The following GPC6 variants were observed in gnomAD, a reference collection of about 807,000 sequenced individuals.
GPC6 encodes the protein glypican 6, also known as glypican-6.
Under a neutral mutation model 55.2 loss-of-function variants are expected in GPC6, and 14 were observed. The observed-to-expected ratio is 0.25, with a 90% CI of 0.17 to 0.40. GPC6 has a LOEUF of 0.40. Among genes scored for constraint, GPC6 ranks in the 10% least tolerant of loss-of-function variants. The pLI, the probability that GPC6 is intolerant of heterozygous loss-of-function variation, is 1.00. For synonymous variants in GPC6, 278 were observed against 259.6 expected (o/e 1.07, Z -0.68); for missense variants, 641 against 708.5 (o/e 0.90, Z 1.08).
chr13:94,175,969 G>T (rs1216132976), intron 4 of GPC6, among the ~76,000 whole-genome samples: 135 of 142,462 alleles, frequency 9.5e-4, no homozygotes, highest in Non-Finnish European at 1.6e-3. Context: ...GAGAGAGAGA[G>T]AGAGAGAGAG....
intron 2 of GPC6, among the ~76,000 whole-genome samples, chr13:93,730,627 T>G (rs2138835763): frequency 6.6e-6 from 1 of 152,344 alleles, no homozygotes; most frequent in South Asian, 2.1e-4. Context: ...CTGGTTGATA[T>G]GTGCTTCAGA....
At chr13:94,222,857 A>T (rs1172082083) in intron 4 of GPC6, among the ~76,000 whole-genome samples, 1 of 152,044 alleles carries the variant, frequency 6.6e-6, no homozygotes, top group African/African-American at 2.4e-5. Flanking sequence ...CTGCATTCTG[A>T]CCTGGCATCA....
chr13:93,572,398 G>T (rs891117754), intron 2 of GPC6, among the ~76,000 whole-genome samples: 8 of 152,064 alleles, frequency 5.3e-5, no homozygotes, highest in African/African-American at 1.7e-4. Flanking sequence ...TATACCAGTG[G>T]TCCTTAAACT....
At chr13:93,365,731 G>A (rs1474077548) in intron 1 of GPC6, among the ~76,000 whole-genome samples, 2 of 151,958 alleles carry the variant, frequency 1.3e-5, no homozygotes, top group Non-Finnish European at 2.9e-5. Context: ...ATCTCTGAAG[G>A]ACCAGATGAC....
chr13:93,837,245 C>A (rs1887771706), intron 3 of GPC6, among the ~76,000 whole-genome samples: 1 of 152,092 alleles, frequency 6.6e-6, no homozygotes, highest in Non-Finnish European at 1.5e-5. Context: ...TATAGGAAGT[C>A]AGTTAAAACA....
At chr13:94,005,786 T>G (rs984165436) in intron 3 of GPC6, among the ~76,000 whole-genome samples, 2 of 152,218 alleles carry the variant, frequency 1.3e-5, no homozygotes. Context: ...GCTTATCTCC[T>G]TCTGCCTCTT....
chr13:94,010,902 A>T (rs1334564412), intron 3 of GPC6, among the ~76,000 whole-genome samples: 1 of 152,168 alleles, frequency 6.6e-6, no homozygotes, highest in African/African-American at 2.4e-5. Context: ...AAATGGGATC[A>T]TGGATGATAT....
At chr13:93,523,243 A>G (rs929505150) in intron 1 of GPC6, among the ~76,000 whole-genome samples, 2 of 149,656 alleles carry the variant, frequency 1.3e-5, no homozygotes, top group Non-Finnish European at 3.0e-5. Flanking sequence ...ACATATGTAC[A>G]TATACACATA....
chr13:94,340,779 A>G (rs1429067124), intron 6 of GPC6, among the ~76,000 whole-genome samples: 1 of 152,250 alleles, frequency 6.6e-6, no homozygotes, highest in East Asian at 1.9e-4. Flanking sequence ...CTTTTCGTTT[A>G]CAATGAAAAA....
chr13:93,904,106 G>C (rs993902535), intron 3 of GPC6, among the ~76,000 whole-genome samples: 2 of 152,088 alleles, frequency 1.3e-5, no homozygotes, highest in Non-Finnish European at 2.9e-5. Context: ...TAAGTGCAGT[G>C]ACCACAGGAG....
chr13:93,924,363 A>G (rs965958441), intron 3 of GPC6, among the ~76,000 whole-genome samples: 9 of 152,210 alleles, frequency 5.9e-5, no homozygotes, highest in African/African-American at 2.2e-4. Context: ...CAGAGCTATT[A>G]CAATCGTCTG....
At chr13:93,809,554 C>T (rs866361788) in intron 2 of GPC6, among the ~76,000 whole-genome samples, 1 of 152,152 alleles carries the variant, frequency 6.6e-6, no homozygotes, top group Non-Finnish European at 1.5e-5. Context: ...CTTCTTGTCC[C>T]CCATCAGTTT....
chr13:93,640,354 A>G (rs957551154), intron 2 of GPC6, among the ~76,000 whole-genome samples: 1 of 152,134 alleles, frequency 6.6e-6, no homozygotes, highest in African/African-American at 2.4e-5. Flanking sequence ...TACATTATCT[A>G]ATTTATTTCC....
At chr13:93,997,525 G>A (rs1296903225) in intron 3 of GPC6, among the ~76,000 whole-genome samples, 1 of 151,762 alleles carries the variant, frequency 6.6e-6, no homozygotes, top group African/African-American at 2.4e-5. Context: ...ACCAAAAGAA[G>A]AAGAGTCTTT....
chr13:93,494,380 A>G (rs1419326422), intron 1 of GPC6, among the ~76,000 whole-genome samples: 1 of 147,326 alleles, frequency 6.8e-6, no homozygotes, highest in Non-Finnish European at 1.5e-5. Flanking sequence ...TGCTTGGTAG[A>G]TCTTCCTCCA....
At chr13:94,209,749 T>C (rs1387631789) in intron 4 of GPC6, among the ~76,000 whole-genome samples, 1 of 152,168 alleles carries the variant, frequency 6.6e-6, no homozygotes, top group Non-Finnish European at 1.5e-5. Flanking sequence ...AATAAATGAC[T>C]AAAGATTACA....
At chr13:93,335,568 T>C (rs774861702) in intron 1 of GPC6, among the ~76,000 whole-genome samples, 32 of 152,296 alleles carry the variant, frequency 2.1e-4, no homozygotes, top group Middle Eastern at 3.4e-3. Context: ...TCAGGAGTGA[T>C]AATGGTAAAG....
At chr13:93,694,616 C>T (rs779721036) in intron 2 of GPC6, among the ~76,000 whole-genome samples, 4 of 152,074 alleles carry the variant, frequency 2.6e-5, no homozygotes, top group Non-Finnish European at 4.4e-5. Flanking sequence ...GTGATTAAAC[C>T]GAGTTACACA....
At chr13:93,717,239 A>G in intron 2 of GPC6, among the ~76,000 whole-genome samples, 1 of 151,738 alleles carries the variant, frequency 6.6e-6, no homozygotes, top group East Asian at 1.9e-4. Flanking sequence ...TGAGTACTGT[A>G]GTTATTCTAT....
Sources: allele counts gnomAD v4.1 joint callset (sites outside exome capture counted in the v4.1 genomes callset), GRCh38; gene constraint gnomAD v4.1.1; transcripts MANE v1.5; gene names NCBI Gene and HGNC (gene_info 2026-07-23, HGNC 2026-07-21).